REEP1: variants seen among roughly 807,000 people sequenced by gnomAD.
The protein encoded by REEP1 is receptor expression-enhancing protein 1.
A neutral mutation model predicts 40.3 loss-of-function variants in REEP1; 22 were observed. The observed-to-expected ratio is 0.55, with a 90% CI of 0.39 to 0.78. REEP1 has a LOEUF of 0.78. REEP1 is among the 30% of genes least tolerant of loss of function. REEP1 has a pLI of 0.00. For synonymous variants in REEP1, 116 were observed against 139.2 expected (o/e 0.83, Z 1.17); for missense variants, 280 against 361.1 (o/e 0.78, Z 1.82).
chr2:86,238,129 C>T (rs557745029), intron 5 of REEP1, among the ~76,000 whole-genome samples: 2 of 152,166 alleles, frequency 1.3e-5, no homozygotes, highest in South Asian at 4.2e-4. Context: ...TGAGGTGAGC[C>T]GAGATCGTGC....
intron 8 of REEP1, among the ~76,000 whole-genome samples, chr2:86,219,583 C>T (rs954004749): frequency 2.0e-5 from 3 of 151,682 alleles, no homozygotes; most frequent in African/African-American, 7.3e-5. Flanking sequence ...GCAGCTGGGA[C>T]TACAGGTGCG....
chr2:86,217,666 A>ATTT lies in REEP1; in HGVS notation c.784-559_784-557dup, dbSNP rs10668934. Among the ~76,000 whole-genome samples the ATTT allele has an allele frequency of 7.2e-3, 818 of 112,882 alleles. 17 individuals carry two copies. The highest frequency in any genetic ancestry group is 0.024 in the African/African-American group (759 of 32,194). The allele number at this position is 112,882 out of a possible 152,430, so 74.1% of individuals were successfully genotyped here. ...GAGTCAGAAGTGTTTGGGATTTCAG[A>ATTT]TTTTTTTTTTTTTTTTTTCAGATTT... On this transcript the variant is annotated intron_variant, in intron 8 of 8. Coordinates refer to ENST00000538924, the MANE Select transcript of REEP1 (RefSeq NM_001371279.1).
intron 4 of REEP1, among the ~76,000 whole-genome samples, chr2:86,254,122 A>G (rs1477256888): frequency 1.3e-5 from 2 of 152,236 alleles, no homozygotes; most frequent in African/African-American, 4.8e-5. Context: ...AAACACATTT[A>G]AAATCTCAGG....
At chr2:86,241,658 AC>A (rs1256889704) in intron 5 of REEP1, among the ~76,000 whole-genome samples, 8 of 152,028 alleles carry the variant, frequency 5.3e-5, no homozygotes. Context: ...GGAACTAGAG[AC>A]CCTGGTGCCG....
At chr2:86,231,252 G>A (rs1321255388) in intron 6 of REEP1, among the ~76,000 whole-genome samples, 1 of 152,158 alleles carries the variant, frequency 6.6e-6, no homozygotes, top group African/African-American at 2.4e-5. Flanking sequence ...TCCCTCGGGG[G>A]GTAACCCCTC....
At chr2:86,300,343 G>A (rs1313427958) in intron 1 of REEP1, among the ~76,000 whole-genome samples, 26 of 152,114 alleles carry the variant, frequency 1.7e-4, no homozygotes, top group Admixed American at 1.7e-3. Flanking sequence ...GGCCCCAGAA[G>A]CCAGTTTCAT....
At chr2:86,219,393 CCAAAA>C (rs1174845481) in intron 8 of REEP1, among the ~76,000 whole-genome samples, 5 of 151,700 alleles carry the variant, frequency 3.3e-5, no homozygotes, top group African/African-American at 1.2e-4. Context: ...CCTGGAAAAA[CCAAAA>C]CAAAACAATA....
At chr2:86,287,753 A>G (rs1488813894) in intron 1 of REEP1, among the ~76,000 whole-genome samples, 1 of 152,142 alleles carries the variant, frequency 6.6e-6, no homozygotes, top group Non-Finnish European at 1.5e-5. Flanking sequence ...AATCCCCTAT[A>G]TGTACTTTCC....
chr2:86,307,516 A>T (rs1679551421), intron 1 of REEP1, among the ~76,000 whole-genome samples: 1 of 152,206 alleles, frequency 6.6e-6, no homozygotes. Flanking sequence ...TAATCCCAAT[A>T]CTTTGGGAGG....
chr2:86,337,530 G>A lies in REEP1; in HGVS notation c.-20C>T, dbSNP rs1305609863. ...CACCATGGCGGGCAGGCGGGCGGGC[G>A]AGGCCCGGGCGGCGCGGCTCGGCTA... On this transcript the variant is annotated 5_prime_UTR_variant, in exon 1 of 9. Coordinates refer to ENST00000538924, the MANE Select transcript of REEP1 (RefSeq NM_001371279.1). This position sits in a 1 kb window ranked among gnomAD's most constrained non-coding sequence, Gnocchi z 5.8. The A allele has an allele frequency of 7.1e-6, 9 of 1,260,376 alleles. No homozygotes were observed. Among genetic ancestry groups the A allele is most frequent in the South Asian group, 5.6e-5 (2 of 35,404 alleles). 78.1% of individuals were successfully genotyped at this position (1,260,376 alleles called of 1,614,324 possible).
At chr2:86,251,900 G>A in intron 5 of REEP1, 57 bp downstream of exon 5, 1 of 1,188,932 alleles carries the variant, frequency 8.4e-7, no homozygotes, top group Non-Finnish European at 1.3e-6. Context: ...CAGGTGATGA[G>A]CAGGGCACAC....
chr2:86,227,439 A>G (rs1157936355), intron 6 of REEP1, 41 bp from the exon 7 acceptor site: 1 of 1,231,656 alleles, frequency 8.1e-7, no homozygotes, highest in African/African-American at 1.6e-5. Context: ...GACATCCCCC[A>G]CTGGACAGGA....
intron 1 of REEP1, among the ~76,000 whole-genome samples, chr2:86,288,629 C>T (rs1678537594): frequency 6.6e-6 from 1 of 152,192 alleles, no homozygotes; most frequent in African/African-American, 2.4e-5. Context: ...AGGGTATCTA[C>T]ATAGTGTGGA....
At chr2:86,232,863 A>C (rs1675109739) in intron 5 of REEP1, 61 bp from the exon 6 acceptor site, 1 of 1,530,874 alleles carries the variant, frequency 6.5e-7, no homozygotes, top group African/African-American at 1.4e-5. Context: ...ACACTCGACA[A>C]AGGCCAAGAG....
At chr2:86,251,095 T>G (rs1676246294) in intron 5 of REEP1, among the ~76,000 whole-genome samples, 2 of 152,152 alleles carry the variant, frequency 1.3e-5, no homozygotes, top group Non-Finnish European at 2.9e-5. Context: ...ATAACTGCCT[T>G]CCCTCCACCA....
intron 1 of REEP1, among the ~76,000 whole-genome samples, chr2:86,292,873 G>A (rs1678797670): frequency 2.0e-5 from 3 of 152,148 alleles, no homozygotes; most frequent in African/African-American, 7.2e-5. Context: ...CCTCTGCCAG[G>A]GCCCAGCCAA....
chr2:86,276,193 G>A (rs1337442563), intron 2 of REEP1, among the ~76,000 whole-genome samples: 1 of 152,216 alleles, frequency 6.6e-6, no homozygotes, highest in Non-Finnish European at 1.5e-5. Flanking sequence ...ACTGCTCAGA[G>A]ACCATGTTGC....
At chr2:86,299,926 C>T (rs533722924) in intron 1 of REEP1, among the ~76,000 whole-genome samples, 29 of 152,110 alleles carry the variant, frequency 1.9e-4, no homozygotes, top group Admixed American at 3.9e-4. Context: ...TACAAGTACA[C>T]CAGTAAAATA....
intron 7 of REEP1, among the ~76,000 whole-genome samples, chr2:86,220,937 G>A (rs892130225): frequency 3.3e-5 from 5 of 152,148 alleles, no homozygotes; most frequent in Admixed American, 3.3e-4. Context: ...GTTCTTAGTT[G>A]AGATGTAAAA....
Sources: allele counts gnomAD v4.1 joint callset (sites outside exome capture counted in the v4.1 genomes callset), GRCh38; gene constraint gnomAD v4.1.1; non-coding constraint Gnocchi (gnomAD v3.1); transcripts MANE v1.5; gene names NCBI Gene and HGNC (gene_info 2026-07-23, HGNC 2026-07-21).